Variants in ACOXL observed in about 807,000 individuals in gnomAD.
ACOXL encodes acyl-CoA oxidase like.
A neutral mutation model predicts 71.9 loss-of-function variants in ACOXL; 70 were observed. The observed-to-expected ratio is 0.97, with a 90% CI of 0.80 to 1.19. The LOEUF (loss-of-function observed/expected upper bound fraction) is 1.19. Among genes scored for constraint, ACOXL ranks in the 50% most tolerant of loss-of-function variants. ACOXL has a pLI of 0.00. For missense variants in ACOXL, 703 were observed against 736.3 expected (o/e 0.95, Z 0.52); for synonymous variants, 253 against 281.6 (o/e 0.90, Z 1.02).
chr2:110,937,288 C>T (rs1454529041), intron 12 of ACOXL, among the ~76,000 whole-genome samples: 2 of 152,146 alleles, frequency 1.3e-5, no homozygotes, highest in Non-Finnish European at 2.9e-5. Context: ...ACAAAAGATG[C>T]TCCAGCACCC....
chr2:110,800,918 G>A (rs1332632034), intron 7 of ACOXL, among the ~76,000 whole-genome samples: 1 of 152,202 alleles, frequency 6.6e-6, no homozygotes. Flanking sequence ...ACTGGCAATG[G>A]CAGAAAGTCT....
intron 9 of ACOXL, among the ~76,000 whole-genome samples, chr2:110,810,274 G>GTGTTCA (rs1173211788): frequency 6.6e-6 from 1 of 152,090 alleles, no homozygotes; most frequent in African/African-American, 2.4e-5. Context: ...GAATCACTTT[G>GTGTTCA]TGTTCATCTA....
chr2:110,762,245 T>C (rs1680499514), intron 1 of ACOXL, among the ~76,000 whole-genome samples: 1 of 152,206 alleles, frequency 6.6e-6, no homozygotes, highest in Admixed American at 6.5e-5. Context: ...ATATCTGAAA[T>C]GGATTTCTTG....
chr2:111,070,190 C>A (rs999090983), intron 16 of ACOXL, among the ~76,000 whole-genome samples: 1 of 152,132 alleles, frequency 6.6e-6, no homozygotes, highest in African/African-American at 2.4e-5. Context: ...ACCATAAAGG[C>A]ACATGCACGT....
intron 14 of ACOXL, among the ~76,000 whole-genome samples, chr2:111,013,537 AAAAAAAAAG>A (rs1422905103): frequency 3.3e-5 from 5 of 151,476 alleles, no homozygotes; most frequent in African/African-American, 1.2e-4. Context: ...AAAAAAAAAA[AAAAAAAAAG>A]AAGTAAAAGA....
At chr2:111,013,230 C>CA (rs1204458038) in intron 14 of ACOXL, among the ~76,000 whole-genome samples, 3 of 151,392 alleles carry the variant, frequency 2.0e-5, no homozygotes, top group Admixed American at 1.3e-4. Flanking sequence ...TTAACAACAA[C>CA]AAAAAAAATG....
intron 6 of ACOXL, 130 bp from the exon 7 acceptor site, chr2:110,798,880 TTATA>T: frequency 8.8e-7 from 1 of 1,139,932 alleles, no homozygotes; most frequent in South Asian, 1.3e-5. Context: ...CATTTTGACA[TTATA>T]TGCTCTCATG....
At chr2:110,765,674 C>G (rs893998482) in intron 1 of ACOXL, among the ~76,000 whole-genome samples, 1 of 152,116 alleles carries the variant, frequency 6.6e-6, no homozygotes, top group African/African-American at 2.4e-5. Context: ...TAGATGGTGC[C>G]TTCTTGCTAT....
chr2:110,911,621 A>T (rs971272657), intron 11 of ACOXL, among the ~76,000 whole-genome samples: 1 of 152,128 alleles, frequency 6.6e-6, no homozygotes, highest in African/African-American at 2.4e-5. Flanking sequence ...AAACATGATC[A>T]TCCCCATAGA....
chr2:110,966,675 C>T (rs1378741149), intron 12 of ACOXL, among the ~76,000 whole-genome samples: 1 of 152,242 alleles, frequency 6.6e-6, no homozygotes, highest in Non-Finnish European at 1.5e-5. Context: ...TCTTCCTCCT[C>T]CCCTATTTTT....
At chr2:111,074,173 T>TC (rs2067483988) in intron 16 of ACOXL, among the ~76,000 whole-genome samples, 1 of 151,954 alleles carries the variant, frequency 6.6e-6, no homozygotes, top group African/African-American at 2.4e-5. Context: ...TTGTTTTTTT[T>TC]TTTTTCTATG....
chr2:110,846,641 G>GCGCACACACACACACACACACACACA (rs148602789), intron 10 of ACOXL, among the ~76,000 whole-genome samples: 7 of 138,030 alleles, frequency 5.1e-5, no homozygotes, highest in African/African-American at 8.1e-5. Flanking sequence ...ATGCATACAC[G>GCGCACACACACACACACACACACACA]CACACACACA....
chr2:110,931,795 AC>A (rs1462373761), intron 11 of ACOXL, among the ~76,000 whole-genome samples: 1 of 152,236 alleles, frequency 6.6e-6, no homozygotes, highest in Non-Finnish European at 1.5e-5. Flanking sequence ...GGAATGTAGA[AC>A]AACTATAATT....
At chr2:110,888,595 G>A (rs17466089) in intron 10 of ACOXL, among the ~76,000 whole-genome samples, 4,766 of 152,250 alleles carry the variant, frequency 0.031, 128 homozygotes, top group Middle Eastern at 0.048. Context: ...GATACTGCAC[G>A]AATGTCCTTC....
rs554402476 is a variant in ACOXL at position 111,000,021 on chromosome 2, A to G, written c.1281+4017A>G. On this transcript the variant is annotated intron_variant, in intron 14 of 17. Transcript: ENST00000439055. ...TACCTAATCCAGATTTGGGCACCCA[A>G]AAGTTGGGTGCTGACATAACAAAAG... is the stretch of plus-strand genomic sequence containing the variant. 5.0e-4 allele frequency among the ~76,000 whole-genome samples: 76 copies of G among 152,332 alleles called. 1 individual carries two copies. The highest frequency in any genetic ancestry group is 1.8e-3 in the African/African-American group (74 of 41,578).
At chr2:110,958,080 A>G (rs11123253) in intron 12 of ACOXL, among the ~76,000 whole-genome samples, 59,814 of 149,078 alleles carry the variant, frequency 0.4, 12,336 homozygotes, top group East Asian at 0.52. Flanking sequence ...GAATTTTGAG[A>G]GGACACAATG....
chr2:110,798,722 A>G lies in ACOXL; in HGVS notation c.458A>G (p.Gln153Arg). ...FAQLIIDGRSQGPHCFIVPVR... is the reference protein window; with the variant it reads ...FAQLIIDGRSRGPHCFIVPVR... ...CAGCTCATCATAGATGGAAGATCTC[A>G]AGGTTTGTTACCAATACAGACAACT... Residue 153 changes from glutamine (Q) to arginine (R), a missense_variant and splice_region_variant, in exon 6 of 18, where the codon CAA becomes CGA. Coordinates refer to ENST00000439055, the MANE Select transcript of ACOXL (RefSeq NM_001142807.4). The G allele has an allele frequency of 6.3e-7, 1 of 1,598,434 alleles. No homozygotes were observed. The highest frequency in any genetic ancestry group is 8.6e-7 in the Non-Finnish European group (1 of 1,165,750).
intron 16 of ACOXL, among the ~76,000 whole-genome samples, chr2:111,074,285 T>C (rs1028127068): frequency 6.6e-6 from 1 of 152,114 alleles, no homozygotes; most frequent in Non-Finnish European, 1.5e-5. Flanking sequence ...TGGCTAGGAT[T>C]TTCAGTATGT....
chr2:111,110,633 C>T (rs1421518136), intron 17 of ACOXL, among the ~76,000 whole-genome samples: 4 of 152,220 alleles, frequency 2.6e-5, no homozygotes, highest in Non-Finnish European at 4.4e-5. Context: ...CTTCTGTCCA[C>T]CTGTCCCCAA....
Sources: allele counts gnomAD v4.1 joint callset (sites outside exome capture counted in the v4.1 genomes callset), GRCh38; gene constraint gnomAD v4.1.1; transcripts MANE v1.5; gene names NCBI Gene and HGNC (gene_info 2026-07-23, HGNC 2026-07-21).